Variants in ZBTB20 observed in about 807,000 individuals in gnomAD.
ZBTB20 encodes zinc finger and BTB domain containing 20, also known as zinc finger and BTB domain-containing protein 20.
A neutral mutation model predicts 56.9 loss-of-function variants in ZBTB20; 9 were observed. That is an observed-to-expected ratio of 0.16 (90% CI 0.10 to 0.28). The LOEUF (loss-of-function observed/expected upper bound fraction) is 0.28. Ranked by LOEUF, ZBTB20 falls within the 10% of genes least tolerant of loss-of-function variation. The pLI, the probability that ZBTB20 is intolerant of heterozygous loss-of-function variation, is 1.00. For synonymous variants in ZBTB20, 417 were observed against 420.7 expected (o/e 0.99, Z 0.11); for missense variants, 655 against 1,003.0 (o/e 0.65, Z 4.69).
At chr3:114,645,686 T>A (rs2059797810) in intron 6 of ZBTB20, among the ~76,000 whole-genome samples, 1 of 152,216 alleles carries the variant, frequency 6.6e-6, no homozygotes, top group Non-Finnish European at 1.5e-5. Flanking sequence ...CTCCTTAAAC[T>A]AAGTAGACTT....
chr3:115,124,979 C>T (rs572073397), intron 1 of ZBTB20, among the ~76,000 whole-genome samples: 5 of 151,716 alleles, frequency 3.3e-5, no homozygotes, highest in Admixed American at 6.6e-5. Flanking sequence ...CCCTGTGACA[C>T]GAGTTTACCT....
chr3:114,849,750 A>T (rs1362273114), intron 4 of ZBTB20, among the ~76,000 whole-genome samples: 1 of 152,154 alleles, frequency 6.6e-6, no homozygotes, highest in Non-Finnish European at 1.5e-5. Flanking sequence ...TAGCAAAAAG[A>T]CTTTACAAAA....
chr3:115,043,577 GAAATAAAATA>G (rs143409903), intron 2 of ZBTB20, among the ~76,000 whole-genome samples: 11,663 of 135,462 alleles, frequency 0.086, 604 homozygotes, highest in Non-Finnish European at 0.1. Context: ...GTCTCAAAAA[GAAATAAAATA>G]AAATAAAATA....
chr3:114,870,803 T>C (rs1189894562), intron 4 of ZBTB20, among the ~76,000 whole-genome samples: 1 of 152,090 alleles, frequency 6.6e-6, no homozygotes, highest in South Asian at 2.1e-4. Flanking sequence ...CAAAAGTCTC[T>C]CTCTACCCTT....
In ZBTB20 at chr3:114,325,896, GT is replaced by G. The variant is rs1016641036; in HGVS notation, c.*13108del. On this transcript the variant is annotated 3_prime_UTR_variant, in exon 12 of 12. Coordinates refer to ENST00000675478, the MANE Select transcript of ZBTB20 (RefSeq NM_001348800.3). ...TTTTTAAAAAAATAGTTTCTAATTT[GT>G]TTTTTCCTTCTTTTGTGGTGGAGGG... 6.6e-6 allele frequency: 1 copy of G among 152,044 alleles called. No individual in the cohort carries two copies. The highest frequency in any genetic ancestry group is 1.5e-5 in the Non-Finnish European group (1 of 67,992). 9.4% of individuals were successfully genotyped at this position (152,044 alleles called of 1,614,324 possible).
At chr3:114,738,162 T>C (rs1560189408) in intron 5 of ZBTB20, among the ~76,000 whole-genome samples, 2 of 152,094 alleles carry the variant, frequency 1.3e-5, no homozygotes, top group African/African-American at 4.8e-5. Context: ...ATGATTAAAA[T>C]ATCTTTTCAT....
At chr3:115,030,067 T>C (rs1297843625) in intron 2 of ZBTB20, among the ~76,000 whole-genome samples, 3 of 151,146 alleles carry the variant, frequency 2.0e-5, no homozygotes, top group Middle Eastern at 3.4e-3. Flanking sequence ...GAAAAACAAC[T>C]AGCACATAGT....
At chr3:114,376,786 A>G (rs2083687204) in intron 10 of ZBTB20, among the ~76,000 whole-genome samples, 3 of 152,244 alleles carry the variant, frequency 2.0e-5, no homozygotes, top group African/African-American at 7.2e-5. Context: ...GCCGGTATAA[A>G]ACATGGGAAG....
chr3:114,387,601 T>C (rs558299350), intron 8 of ZBTB20: 1 of 152,324 alleles, frequency 6.6e-6, no homozygotes, highest in South Asian at 2.1e-4. Flanking sequence ...AAGAACTCTT[T>C]TCCCTCTTAA....
intron 7 of ZBTB20, among the ~76,000 whole-genome samples, chr3:114,469,184 A>G (rs138929843): frequency 3.3e-5 from 5 of 152,198 alleles, no homozygotes; most frequent in South Asian, 2.1e-4. Context: ...CTTTCTAATT[A>G]AAGAAAGGGC....
chr3:114,712,690 A>G lies in ZBTB20; in HGVS notation c.-342-19115T>C, dbSNP rs147970467. On this transcript the variant is annotated intron_variant, in intron 5 of 11. Coordinates refer to ENST00000675478, the MANE Select transcript of ZBTB20 (RefSeq NM_001348800.3). Reference sequence around the variant, plus strand: ...AAAAAAAGAGTTCAGTTTGTTCACTAAAGGGCTCAATTTGTTCACTACATA... The same window carrying G: ...AAAAAAAGAGTTCAGTTTGTTCACTGAAGGGCTCAATTTGTTCACTACATA... Among the ~76,000 whole-genome samples the G allele has an allele frequency of 4.0e-3, 616 of 152,206 alleles. 1 individual carries two copies. The highest frequency in any genetic ancestry group is 0.017 in the Middle Eastern group (5 of 294).
In ZBTB20 at chr3:114,397,403, AATTTTCATTATTTTATTTCCTCAGGAT is replaced by A. The variant is rs1226459247; in HGVS notation, c.-254-8325_-254-8299del. Among the ~76,000 whole-genome samples, 315 of 152,194 alleles carry A rather than the reference AATTTTCATTATTTTATTTCCTCAGGAT, an allele frequency of 2.1e-3. 2 individuals are homozygous for A. The highest frequency in any genetic ancestry group is 7.1e-3 in the African/African-American group (297 of 41,540). On this transcript the variant is annotated intron_variant, in intron 7 of 11. Coordinates refer to ENST00000675478, the MANE Select transcript of ZBTB20 (RefSeq NM_001348800.3). ...GCTCTCATCTCCTCTAATATCTCTG[AATTTTCATTATTTTATTTCCTCAGGAT>A]ATATCTTTTCCCATGTTCCCTTCGT...
intron 4 of ZBTB20, among the ~76,000 whole-genome samples, chr3:114,819,544 T>A (rs2108911317): frequency 6.6e-6 from 1 of 151,960 alleles, no homozygotes; most frequent in East Asian, 1.9e-4. Flanking sequence ...TAGTAGGCAA[T>A]CAAGATGATG....
intron 3 of ZBTB20, among the ~76,000 whole-genome samples, chr3:114,946,725 A>C (rs888605583): frequency 7.5e-5 from 11 of 145,792 alleles, no homozygotes; most frequent in Admixed American, 7.3e-4. Flanking sequence ...TTGATTTGGA[A>C]AACTCTTCTG....
intron 7 of ZBTB20, among the ~76,000 whole-genome samples, chr3:114,490,706 T>C (rs144165081): frequency 1.3e-5 from 2 of 152,296 alleles, no homozygotes; most frequent in East Asian, 3.9e-4. Flanking sequence ...GATCTAATTG[T>C]TTCTAAATCA....
chr3:115,036,395 G>A (rs1218153081), intron 2 of ZBTB20, among the ~76,000 whole-genome samples: 1 of 152,008 alleles, frequency 6.6e-6, no homozygotes, highest in Non-Finnish European at 1.5e-5. Flanking sequence ...CGCTTCCCGG[G>A]TTCAAGTGAT....
At chr3:114,695,216 A>G (rs527665834) in intron 5 of ZBTB20, among the ~76,000 whole-genome samples, 1 of 152,208 alleles carries the variant, frequency 6.6e-6, no homozygotes, top group East Asian at 1.9e-4. Context: ...CTTATGAAAA[A>G]TTCGAAACTG....
intron 6 of ZBTB20, among the ~76,000 whole-genome samples, chr3:114,662,786 T>C (rs34259646): frequency 0.059 from 8,990 of 152,030 alleles, 337 homozygotes; most frequent in Middle Eastern, 0.14. Flanking sequence ...TTTGAGTTCA[T>C]TGTAGATTCT....
At chr3:114,817,323 A>T (rs936397745) in intron 4 of ZBTB20, among the ~76,000 whole-genome samples, 1 of 152,008 alleles carries the variant, frequency 6.6e-6, no homozygotes, top group Non-Finnish European at 1.5e-5. Flanking sequence ...GTTTAAGACC[A>T]GCCTGACCAA....
Sources: allele counts gnomAD v4.1 joint callset (sites outside exome capture counted in the v4.1 genomes callset), GRCh38; gene constraint gnomAD v4.1.1; transcripts MANE v1.5; gene names NCBI Gene and HGNC (gene_info 2026-07-23, HGNC 2026-07-21).